Variants in AGAP1 observed in about 807,000 individuals in gnomAD.
The protein encoded by AGAP1 is arf-GAP with GTPase, ANK repeat and PH domain-containing protein 1.
In AGAP1, 29 loss-of-function variants were observed where a neutral mutation model predicts 105.3. That is an observed-to-expected ratio of 0.28 (90% CI 0.21 to 0.38). The LOEUF (loss-of-function observed/expected upper bound fraction) is 0.38, where lower values mean the gene tolerates loss of function less well. Ranked by LOEUF, AGAP1 falls within the 10% of genes least tolerant of loss-of-function variation. The pLI, the probability that AGAP1 is intolerant of heterozygous loss-of-function variation, is 1.00. For synonymous variants in AGAP1, 509 were observed against 485.9 expected, an observed-to-expected ratio of 1.05 and a Z score of -0.63; for missense variants, 998 against 1,165.1, an observed-to-expected ratio of 0.86 and a Z score of 2.09.
rs373247100 is a variant in AGAP1 at position 235,615,204 on chromosome 2, C to T, written c.164-93975C>T. Among the ~76,000 whole-genome samples, 11 of 152,194 alleles carry T rather than the reference C, an allele frequency of 7.2e-5. No individual in the cohort carries two copies. In the East Asian group the frequency reaches 7.7e-4, roughly 11 times the overall value. ...CACTTCCACTGCCAGCCAGCTTGCA[C>T]GGTCCAGGGACGTCCCCACCCTCGG... On this transcript the variant is annotated intron_variant, in intron 1 of 17. Coordinates refer to ENST00000304032, the MANE Select transcript of AGAP1 (RefSeq NM_001037131.3). This position sits in a 1 kb window ranked among gnomAD's most constrained non-coding sequence, Gnocchi z 5.0.
chr2:235,498,310 C>T (rs891125719), intron 1 of AGAP1, among the ~76,000 whole-genome samples: 6 of 151,824 alleles, frequency 4.0e-5, no homozygotes, highest in African/African-American at 1.5e-4. Flanking sequence ...TTATTCCCCC[C>T]TCCCTTCACC....
chr2:235,822,232 T>G (rs1401128205), intron 9 of AGAP1, among the ~76,000 whole-genome samples: 1 of 152,274 alleles, frequency 6.6e-6, no homozygotes, highest in Non-Finnish European at 1.5e-5. Context: ...TATTTTCTTC[T>G]GATAAATGTG....
At chr2:236,026,533 A>G (rs2057060828) in intron 13 of AGAP1, among the ~76,000 whole-genome samples, 1 of 152,220 alleles carries the variant, frequency 6.6e-6, no homozygotes. Context: ...GTTCGAGACC[A>G]GCCTGGCCAA....
At chr2:235,984,512 A>T (rs1397162866) in intron 13 of AGAP1, among the ~76,000 whole-genome samples, 1 of 146,224 alleles carries the variant, frequency 6.8e-6, no homozygotes, top group Non-Finnish European at 1.5e-5. Context: ...AAAAAAATAG[A>T]TGCGCAGATT....
At chr2:235,640,571 G>A (rs1012720099) in intron 1 of AGAP1, among the ~76,000 whole-genome samples, 56 of 152,246 alleles carry the variant, frequency 3.7e-4, no homozygotes, top group African/African-American at 1.2e-3. Flanking sequence ...TGTTCTCTTC[G>A]GTAAACAGCT....
intron 1 of AGAP1, among the ~76,000 whole-genome samples, chr2:235,502,177 T>C (rs1941588254): frequency 6.6e-6 from 1 of 152,074 alleles, no homozygotes; most frequent in African/African-American, 2.4e-5. Context: ...CCAGTCCCTC[T>C]ATCTTCCAGG....
Position 236,082,189 on chromosome 2 carries a change from C to T in AGAP1, c.2114+32908C>T, listed in dbSNP as rs1392629957. Among the ~76,000 whole-genome samples, 1 of 152,136 alleles carries T rather than the reference C, an allele frequency of 6.6e-6. No individual in the cohort carries two copies. The highest frequency in any genetic ancestry group is 1.5e-5 in the Non-Finnish European group (1 of 68,034). The stretch of plus-strand genomic sequence containing the variant: ...CTAGAACAAACCTATCATTTTTCAC[C>T]ACGGGATATTTACAGCTTCAATCAG... On this transcript the variant is annotated intron_variant, in intron 16 of 17. Transcript: ENST00000304032. The surrounding 1 kb of genome is among the most constrained non-coding windows in gnomAD (Gnocchi z 4.2).
At chr2:235,851,365 A>G (rs1475270041) in intron 9 of AGAP1, among the ~76,000 whole-genome samples, 1 of 152,208 alleles carries the variant, frequency 6.6e-6, no homozygotes, top group Non-Finnish European at 1.5e-5. Context: ...AAGCAAGGCC[A>G]TCTCCTGGGA....
chr2:235,789,927 T>C lies in AGAP1; in HGVS notation c.674-7832T>C, dbSNP rs2150000620. Among the ~76,000 whole-genome samples the C allele has an allele frequency of 6.6e-6, 1 of 152,330 alleles. No individual in the cohort carries two copies. Among genetic ancestry groups the C allele is most frequent in the East Asian group, 1.9e-4 (1 of 5,186 alleles). ...ATGACCTGTTTAGTTGCAGGATGTC[T>C]TACCTTCCTTGTTAGTATTTGTTCT... On this transcript the variant is annotated intron_variant, in intron 6 of 17. Transcript: ENST00000304032. The surrounding 1 kb of genome is among the most constrained non-coding windows in gnomAD (Gnocchi z 4.2).
At chr2:235,644,698 A>G (rs558734927) in intron 1 of AGAP1, among the ~76,000 whole-genome samples, 1 of 152,178 alleles carries the variant, frequency 6.6e-6, no homozygotes, top group African/African-American at 2.4e-5. Flanking sequence ...GATATGCAGC[A>G]CAGTGCACCT....
intron 9 of AGAP1, among the ~76,000 whole-genome samples, chr2:235,853,755 G>A (rs971990417): frequency 1.5e-4 from 22 of 150,396 alleles, no homozygotes; most frequent in African/African-American, 5.5e-4. Context: ...GAACAAATGA[G>A]GTCATTTTTG....
intron 1 of AGAP1, among the ~76,000 whole-genome samples, chr2:235,558,670 G>A (rs1393594613): frequency 6.6e-6 from 1 of 152,132 alleles, no homozygotes; most frequent in Non-Finnish European, 1.5e-5. Flanking sequence ...ATGGGATGGG[G>A]ACTGCATTCC....
At chr2:235,839,154 A>G (rs1960511221) in intron 9 of AGAP1, among the ~76,000 whole-genome samples, 2 of 152,222 alleles carry the variant, frequency 1.3e-5, no homozygotes, top group Admixed American at 1.3e-4. Context: ...ACTGTGAAGC[A>G]ATCTTTTATG....
At chr2:235,880,915 A>G (rs914633019) in intron 9 of AGAP1, among the ~76,000 whole-genome samples, 8 of 151,992 alleles carry the variant, frequency 5.3e-5, no homozygotes, top group African/African-American at 1.4e-4. Context: ...GGAAGCCCTT[A>G]TTGTCTTGGT....
chr2:235,600,131 T>C lies in AGAP1; in HGVS notation c.163+105282T>C, dbSNP rs1237669621. Among the ~76,000 whole-genome samples, 3 of 152,264 alleles carry C rather than the reference T, an allele frequency of 2.0e-5. No individual in the cohort carries two copies. Among genetic ancestry groups the C allele is most frequent in the South Asian group, 4.2e-4 (2 of 4,814 alleles). ...TCGTAACTGTTATTTACTCAGTAATTACAGGTTCAAGTCCCTTGTCCAAAA... is the reference window on the plus strand; with the variant it reads ...TCGTAACTGTTATTTACTCAGTAATCACAGGTTCAAGTCCCTTGTCCAAAA... On this transcript the variant is annotated intron_variant, in intron 1 of 17. Coordinates refer to ENST00000304032, the MANE Select transcript of AGAP1 (RefSeq NM_001037131.3). The surrounding 1 kb of genome is among the most constrained non-coding windows in gnomAD (Gnocchi z 4.8).
At chr2:235,685,689 C>G (rs1949343244) in intron 1 of AGAP1, among the ~76,000 whole-genome samples, 1 of 151,880 alleles carries the variant, frequency 6.6e-6, no homozygotes, top group African/African-American at 2.4e-5. Context: ...ATTTTTTTTA[C>G]TGTAAAAATC....
At chr2:235,796,168 C>G (rs4078176) in intron 6 of AGAP1, among the ~76,000 whole-genome samples, 2,266 of 152,222 alleles carry the variant, frequency 0.015, 62 homozygotes, top group African/African-American at 0.052. Context: ...CCCCTTATTG[C>G]TATTTTTCAA....
In AGAP1 at chr2:235,528,369, C is replaced by T. The variant is rs552347704; in HGVS notation, c.163+33520C>T. Among the ~76,000 whole-genome samples the T allele has an allele frequency of 7.8e-4, 118 of 150,834 alleles. No individual in the cohort carries two copies. The East Asian group carries it at 0.021, about 27-fold the overall frequency. On this transcript the variant is annotated intron_variant, in intron 1 of 17. Coordinates refer to ENST00000304032, the MANE Select transcript of AGAP1 (RefSeq NM_001037131.3). ...AGGCCCCCTCCCCCTCCCCCGCCCC[C>T]TCCCCTCCCACTGGCGGTTTCATTT...
chr2:235,682,374 A>T (rs779859971), intron 1 of AGAP1, among the ~76,000 whole-genome samples: 1 of 150,944 alleles, frequency 6.6e-6, no homozygotes, highest in Non-Finnish European at 1.5e-5. Flanking sequence ...ATGGAGTCTC[A>T]CTCTGTTGCC....
Sources: gnomAD v4.1 joint callset for allele counts (sites outside exome capture counted in the v4.1 genomes callset) on GRCh38, gnomAD v4.1.1 for gene constraint, Gnocchi (gnomAD v3.1) non-coding constraint, MANE v1.5 for transcripts, NCBI Gene and HGNC (gene_info 2026-07-23, HGNC 2026-07-21) for gene names.